PRKG1: variants seen among roughly 807,000 people sequenced by gnomAD.
The protein encoded by PRKG1 is cGMP-dependent protein kinase 1.
A neutral mutation model predicts 88.1 loss-of-function variants in PRKG1; 35 were observed. That is an observed-to-expected ratio of 0.40 (90% confidence interval 0.30 to 0.53). The LOEUF (loss-of-function observed/expected upper bound fraction) is 0.53. Ranked by LOEUF, PRKG1 falls within the 20% of genes least tolerant of loss-of-function variation. The pLI, the probability that PRKG1 is intolerant of heterozygous loss-of-function variation, is 0.59. For synonymous variants in PRKG1, 303 were observed against 292.5 expected, an observed-to-expected ratio of 1.04 and a Z score of -0.37; for missense variants, 540 against 839.8, an observed-to-expected ratio of 0.64 and a Z score of 4.41.
chr10:51,150,922 T>C (rs1846056393), intron 1 of PRKG1, among the ~76,000 whole-genome samples: 1 of 151,906 alleles, frequency 6.6e-6, no homozygotes, highest in Admixed American at 6.6e-5. Flanking sequence ...TTCAATCATG[T>C]TTGGATGGCG....
In PRKG1 at chr10:52,264,848, G is replaced by A. The variant is rs970478541; in HGVS notation, c.1174-6502G>A. ...ATCCCTTCATATGTTGGGGTTGAGAGGGCAGAAAATAAAACCCCCACCCCC... is the reference window on the plus strand; with the variant it reads ...ATCCCTTCATATGTTGGGGTTGAGAAGGCAGAAAATAAAACCCCCACCCCC... On this transcript the variant is annotated intron_variant, in intron 10 of 17. Transcript: ENST00000373980. Among the ~76,000 whole-genome samples, 7 of 152,068 alleles carry A rather than the reference G, an allele frequency of 4.6e-5. No individual in the cohort carries two copies. The East Asian group carries it at 1.4e-3, about 29-fold the overall frequency.
chr10:52,099,318 A>G (rs1847243928), intron 7 of PRKG1, among the ~76,000 whole-genome samples: 1 of 152,178 alleles, frequency 6.6e-6, no homozygotes, highest in African/African-American at 2.4e-5. Flanking sequence ...GCTCTTCCAA[A>G]GTGTCCTGAA....
intron 3 of PRKG1, among the ~76,000 whole-genome samples, chr10:51,642,088 A>C (rs924404413): frequency 6.6e-6 from 1 of 152,170 alleles, no homozygotes; most frequent in Non-Finnish European, 1.5e-5. Context: ...AGTTCTACAA[A>C]ATAGAATTTA....
chr10:51,961,905 C>T (rs1903961), intron 5 of PRKG1, among the ~76,000 whole-genome samples: 135,599 of 152,202 alleles, frequency 0.89, 60,567 homozygotes, highest in East Asian at 1. Flanking sequence ...GTGATATCCA[C>T]GTCAGGAAAG....
At chr10:52,228,192 G>T (rs1043152912) in intron 9 of PRKG1, among the ~76,000 whole-genome samples, 11 of 151,646 alleles carry the variant, frequency 7.3e-5, no homozygotes, top group South Asian at 2.1e-4. Context: ...ATTGTCAACT[G>T]CATCACCACC....
intron 3 of PRKG1, among the ~76,000 whole-genome samples, chr10:51,536,018 C>T (rs564923679): frequency 1.3e-5 from 2 of 152,170 alleles, no homozygotes; most frequent in Admixed American, 6.5e-5. Flanking sequence ...CCATTGCATC[C>T]GGCCTAAAAT....
chr10:51,683,778 C>G (rs140470174), intron 3 of PRKG1, among the ~76,000 whole-genome samples: 191 of 152,292 alleles, frequency 1.3e-3, no homozygotes, highest in Admixed American at 3.1e-3. Context: ...ACCCTCCAGC[C>G]TGTGGTTGCA....
intron 3 of PRKG1, among the ~76,000 whole-genome samples, chr10:51,536,055 G>A (rs1441128287): frequency 6.6e-6 from 1 of 152,054 alleles, no homozygotes; most frequent in African/African-American, 2.4e-5. Flanking sequence ...TTAAAGAGAA[G>A]GAGAAAGAGA....
At chr10:52,061,035 G>A (rs1846223633) in intron 6 of PRKG1, among the ~76,000 whole-genome samples, 1 of 151,736 alleles carries the variant, frequency 6.6e-6, no homozygotes, top group Non-Finnish European at 1.5e-5. Context: ...CAAGAATAAG[G>A]GCCCAGTAAC....
chr10:51,006,997 G>T (rs1842948133), intron 1 of PRKG1, among the ~76,000 whole-genome samples: 1 of 147,928 alleles, frequency 6.8e-6, no homozygotes, highest in Non-Finnish European at 1.5e-5. Flanking sequence ...GGAGTGCAGT[G>T]GTACGATCTC....
At chr10:51,821,589 AC>A (rs1420378414) in intron 4 of PRKG1, among the ~76,000 whole-genome samples, 2 of 152,034 alleles carry the variant, frequency 1.3e-5, no homozygotes, top group Non-Finnish European at 2.9e-5. Context: ...TTGAGTGTAC[AC>A]CCCATTAACA....
In PRKG1 at chr10:52,263,136, G is replaced by A. The variant is rs936285906; in HGVS notation, c.1174-8214G>A. Among the ~76,000 whole-genome samples the A allele has an allele frequency of 2.0e-5, 3 of 151,816 alleles. No homozygotes were observed. The South Asian group carries it at 6.2e-4, about 32-fold the overall frequency. ...TTAAAAAATAAGACTTTTAAATTTA[G>A]GTTTTTCAATAAACAAGTAGTAAAG... On this transcript the variant is annotated intron_variant, in intron 10 of 17. Transcript: ENST00000373980.
intron 4 of PRKG1, among the ~76,000 whole-genome samples, chr10:51,834,806 A>G (rs1446659201): frequency 6.6e-6 from 1 of 152,120 alleles, no homozygotes; most frequent in African/African-American, 2.4e-5. Flanking sequence ...TGAAAGAGCA[A>G]TGAGTCTATG....
chr10:51,930,609 G>A (rs1477273691), intron 5 of PRKG1, among the ~76,000 whole-genome samples: 2 of 146,594 alleles, frequency 1.4e-5, no homozygotes, highest in Admixed American at 1.4e-4. Context: ...TCGTGCCTCA[G>A]CCTCCCAAGC....
At chr10:51,405,610 A>G (rs1371052309) in intron 2 of PRKG1, among the ~76,000 whole-genome samples, 1 of 152,258 alleles carries the variant, frequency 6.6e-6, no homozygotes, top group Non-Finnish European at 1.5e-5. Context: ...TATATGCAGG[A>G]AATGAAGCCT....
intron 3 of PRKG1, among the ~76,000 whole-genome samples, chr10:51,774,792 A>G (rs955987864): frequency 1.3e-5 from 2 of 152,170 alleles, no homozygotes; most frequent in African/African-American, 4.8e-5. Flanking sequence ...AGGTCAGTTT[A>G]AAGTAATACA....
At chr10:51,023,614 T>C (rs1297518108) in intron 1 of PRKG1, among the ~76,000 whole-genome samples, 1 of 152,202 alleles carries the variant, frequency 6.6e-6, no homozygotes, top group Non-Finnish European at 1.5e-5. Flanking sequence ...TATTAAATCA[T>C]GAGTATTTGT....
intron 2 of PRKG1, among the ~76,000 whole-genome samples, chr10:51,265,458 A>G (rs947770330): frequency 7.9e-5 from 12 of 152,190 alleles, no homozygotes; most frequent in Admixed American, 6.5e-4. Context: ...TTTAATGGGA[A>G]TCTCTTATTT....
At chr10:51,278,226 C>T (rs190895747) in intron 2 of PRKG1, among the ~76,000 whole-genome samples, 4 of 152,184 alleles carry the variant, frequency 2.6e-5, no homozygotes, top group Admixed American at 2.6e-4. Context: ...TGGTTTTTGT[C>T]GTTGGTTCTG....
Sources: allele counts gnomAD v4.1 joint callset (sites outside exome capture counted in the v4.1 genomes callset), GRCh38; gene constraint gnomAD v4.1.1; transcripts MANE v1.5; gene names NCBI Gene and HGNC (gene_info 2026-07-23, HGNC 2026-07-21).